IL2RB: variants seen among roughly 807,000 people sequenced by gnomAD.
IL2RB encodes the protein interleukin-2 receptor subunit beta.
Under a neutral mutation model 44.2 loss-of-function variants are expected in IL2RB, and 17 were observed. The observed-to-expected ratio is 0.38, with a 90% CI of 0.26 to 0.58. IL2RB has a LOEUF of 0.58. IL2RB is among the 20% of genes least tolerant of loss of function. The pLI is 0.63. For synonymous variants in IL2RB, 286 were observed against 297.9 expected (o/e 0.96, Z 0.41); for missense variants, 624 against 685.5 (o/e 0.91, Z 1.00).
chr22:37,132,546 T>G, intron 8 of IL2RB, 78 bp from the exon 9 acceptor site: 1 of 1,017,784 alleles, frequency 9.8e-7, no homozygotes, highest in East Asian at 2.5e-5. Flanking sequence ...ACCACAGCTC[T>G]GGATGCCAGG....
In IL2RB at chr22:37,128,723, C is replaced by A. The variant is rs1339074205; in HGVS notation, c.1029G>T (p.Val343=). 3.1e-6 allele frequency: 5 copies of A among 1,614,172 alleles called. No homozygotes were observed. In the Admixed American group the frequency reaches 6.7e-5, roughly 22 times the overall value. ...VTQLLLQQDK[V]PEPASLSSNH... ...TGCTGCTTAAGGATGCGGGCTCAGGCACCTTGTCCTGCTGCAGGAGCAGCT... is the reference window on the plus strand; with the variant it reads ...TGCTGCTTAAGGATGCGGGCTCAGGAACCTTGTCCTGCTGCAGGAGCAGCT... Residue 343 remains valine, a synonymous_variant, in exon 10 of 10, where the codon GTG becomes GTT. Transcript: ENST00000216223. This position sits in a 1 kb window ranked among gnomAD's most constrained non-coding sequence, Gnocchi z 4.5.
intron 9 of IL2RB, among the ~76,000 whole-genome samples, chr22:37,131,172 AT>A (rs1921404500): frequency 3.7e-5 from 1 of 26,858 alleles, no homozygotes; most frequent in Admixed American, 3.5e-4. Flanking sequence ...ATCTCAAAAA[AT>A]AAATAAATAA....
intron 1 of IL2RB, among the ~76,000 whole-genome samples, chr22:37,174,106 G>T (rs756300894): frequency 6.6e-6 from 1 of 152,214 alleles, no homozygotes; most frequent in Non-Finnish European, 1.5e-5. Flanking sequence ...CTTCCCCGAG[G>T]TTGGGTTAGG....
chr22:37,137,138 G>A (rs376950398), intron 6 of IL2RB, among the ~76,000 whole-genome samples: 23 of 152,140 alleles, frequency 1.5e-4, no homozygotes, highest in African/African-American at 4.6e-4. Context: ...CTCACCCTCC[G>A]CTCTCTCCCC....
Position 37,128,278 on chromosome 22 carries a change from C to A in IL2RB, c.1474G>T (p.Val492Leu), listed in dbSNP as rs767482213. 6.7e-7 allele frequency: 1 copy of A among 1,499,354 alleles called. No individual in the cohort carries two copies. Among genetic ancestry groups the A allele is most frequent in the Non-Finnish European group, 8.9e-7 (1 of 1,125,312 alleles). The allele number at this position is 1,499,354 out of a possible 1,614,324, so 92.9% of individuals were successfully genotyped here. A position where few individuals can be genotyped will look rare whatever the true frequency, so the allele number is the denominator to read the frequency against. The change falls in exon 10 of 10, where the codon GTG becomes TTG. Residue 492 changes from valine (V) to leucine (L), a missense_variant. This residue lies in a region of IL2RB where 291 missense variants were observed against 275.5 expected (regional missense o/e 1.06). Transcript: ENST00000216223. This position sits in a 1 kb window ranked among gnomAD's most constrained non-coding sequence, Gnocchi z 4.5. ...ACCTCCTCCCCAGCCTCTCGCAGCA[C>A]CAGCTCAGGGGGTGGCTGAAAATCC... ...LVDFQPPPEL[V>L]LREAGEEVPD...
intron 4 of IL2RB, among the ~76,000 whole-genome samples, chr22:37,140,368 C>T (rs944679281): frequency 2.6e-5 from 4 of 151,842 alleles, no homozygotes; most frequent in Admixed American, 2.0e-4. Context: ...CATACATTCG[C>T]GTGATCACTC....
At chr22:37,130,855 T>TTCC (rs760531345) in intron 9 of IL2RB, among the ~76,000 whole-genome samples, 2 of 152,212 alleles carry the variant, frequency 1.3e-5, no homozygotes, top group Non-Finnish European at 2.9e-5. Flanking sequence ...AGGAAATACA[T>TTCC]TCCCGCACAT....
chr22:37,173,755 G>A (rs1923363250), intron 1 of IL2RB, among the ~76,000 whole-genome samples: 1 of 152,118 alleles, frequency 6.6e-6, no homozygotes, highest in African/African-American at 2.4e-5. Context: ...CTGCCAGGGG[G>A]GGTTGGGGAG....
chr22:37,145,784 C>G (rs1922195251), intron 1 of IL2RB, among the ~76,000 whole-genome samples: 1 of 152,016 alleles, frequency 6.6e-6, no homozygotes. Flanking sequence ...ATCCTTCCCT[C>G]CCTCCTGCTC....
At chr22:37,138,826 A>G (rs529165984) in intron 5 of IL2RB, among the ~76,000 whole-genome samples, 4 of 152,238 alleles carry the variant, frequency 2.6e-5, no homozygotes, top group Non-Finnish European at 4.4e-5. Flanking sequence ...GCAAGGGCTC[A>G]GAGGCAGGGA....
intron 5 of IL2RB, 119 bp downstream of exon 5, chr22:37,138,998 A>T (rs1291990551): frequency 3.0e-6 from 2 of 674,518 alleles, no homozygotes; most frequent in Non-Finnish European, 5.3e-6. Context: ...CGGTGAGGTG[A>T]TCAGATGTGG....
rs1921168812 is a variant in IL2RB, at chr22:37,127,392, G to A, written c.*704C>T. ...GAGGCAGTGCTTCCCTCCAGGAGAA[G>A]CAAAACCGGCACTTGAAGAGTCAGG... On this transcript the variant is annotated 3_prime_UTR_variant, in exon 10 of 10. Transcript: ENST00000216223. 1 of 152,398 alleles carries A rather than the reference G, an allele frequency of 6.6e-6. No individual in the cohort carries two copies. The highest frequency in any genetic ancestry group is 2.4e-5 in the African/African-American group (1 of 41,596). 9.4% of individuals were successfully genotyped at this position (152,398 alleles called of 1,614,324 possible).
At chr22:37,138,767 G>A (rs962841329) in intron 5 of IL2RB, among the ~76,000 whole-genome samples, 2 of 152,226 alleles carry the variant, frequency 1.3e-5, no homozygotes, top group African/African-American at 2.4e-5. Context: ...AAACGTGAGT[G>A]GGAATTTTCC....
chr22:37,142,382 G>C (rs1922009776), intron 4 of IL2RB, 52 bp downstream of exon 4: 19 of 1,539,318 alleles, frequency 1.2e-5, no homozygotes, highest in Non-Finnish European at 1.7e-5. Flanking sequence ...TCGCAGCCCG[G>C]AGCTGGGAGA....
intron 1 of IL2RB, among the ~76,000 whole-genome samples, chr22:37,149,098 C>T (rs780920079): frequency 6.6e-6 from 1 of 152,128 alleles, no homozygotes; most frequent in Non-Finnish European, 1.5e-5. Context: ...CACCTCCCTC[C>T]CCCGAGGTGC....
In IL2RB at chr22:37,142,580, C is replaced by T. The variant is rs6000574; in HGVS notation, c.204-68G>A. On this transcript the variant is annotated intron_variant, in intron 3 of 9. Coordinates refer to ENST00000216223, the MANE Select transcript of IL2RB (RefSeq NM_000878.5). ...CACACAGCTGGCCCAAGGGACTCTT[C>T]TCAGATCTCTCTGCTGCCAGGATGG... 4.7e-6 allele frequency: 7 copies of T among 1,473,686 alleles called. No individual in the cohort carries two copies. In the African/African-American group the frequency reaches 9.7e-5, roughly 20 times the overall value. The allele number at this position is 1,473,686 out of a possible 1,614,324, so 91.3% of individuals were successfully genotyped here. A position where few individuals can be genotyped will look rare whatever the true frequency, so the allele number is the denominator to read the frequency against.
At chr22:37,167,298 C>T (rs1189866645) in intron 1 of IL2RB, among the ~76,000 whole-genome samples, 1 of 152,114 alleles carries the variant, frequency 6.6e-6, no homozygotes, top group East Asian at 1.9e-4. Context: ...GCCAAGCGCT[C>T]ACAGTCCTCT....
intron 8 of IL2RB, among the ~76,000 whole-genome samples, chr22:37,133,121 G>A (rs763121519): frequency 2.6e-5 from 4 of 152,232 alleles, no homozygotes; most frequent in Middle Eastern, 3.2e-3. Flanking sequence ...GTACTGCAGC[G>A]CAGTGAGCGG....
chr22:37,169,104 G>A (rs190566986), intron 1 of IL2RB, among the ~76,000 whole-genome samples: 2 of 151,986 alleles, frequency 1.3e-5, no homozygotes, highest in African/African-American at 4.8e-5. Flanking sequence ...GTTTACAGAA[G>A]GATTCTTGTT....
Sources: allele counts gnomAD v4.1 joint callset (sites outside exome capture counted in the v4.1 genomes callset), GRCh38; gene constraint gnomAD v4.1.1; regional missense constraint gnomAD v4.1.1; non-coding constraint Gnocchi (gnomAD v3.1); transcripts MANE v1.5; gene names NCBI Gene and HGNC (gene_info 2026-07-23, HGNC 2026-07-21).